Variants in USH2A observed in about 807,000 individuals in gnomAD.
USH2A encodes the protein usherin.
USH2A carries 443 observed loss-of-function variants against 538.9 expected under a neutral mutation model. The ratio of observed to expected loss-of-function variants is 0.82; its 90% CI spans 0.76 to 0.89. The LOEUF is 0.89. USH2A is among the 40% of genes least tolerant of loss of function. The probability of loss-of-function intolerance (pLI) is 0.00; values close to 1 mark genes in which losing one functional copy is unlikely to be tolerated. For missense variants in USH2A, 6,633 were observed against 6,324.8 expected, an observed-to-expected ratio of 1.05 and a Z score of -1.65; for synonymous variants, 2,413 against 2,273.5, an observed-to-expected ratio of 1.06 and a Z score of -1.75.
chr1:215,899,211 C>T (rs148003144), intron 40 of USH2A, among the ~76,000 whole-genome samples: 1 of 152,110 alleles, frequency 6.6e-6, no homozygotes, highest in African/African-American at 2.4e-5. Flanking sequence ...AATATCTAGG[C>T]TTTTGAAAGT....
intron 55 of USH2A, among the ~76,000 whole-genome samples, chr1:215,772,060 C>T (rs900506780): frequency 3.3e-5 from 5 of 152,116 alleles, no homozygotes; most frequent in East Asian, 1.9e-4. Context: ...TTCATATATA[C>T]GACTCTGTAA....
At chr1:216,384,341 C>T (rs1253818573) in intron 3 of USH2A, among the ~76,000 whole-genome samples, 1 of 151,772 alleles carries the variant, frequency 6.6e-6, no homozygotes, top group Non-Finnish European at 1.5e-5. Flanking sequence ...ATGTGGCTGG[C>T]TAATAAGCCT....
chr1:216,200,145 AAC>A, intron 16 of USH2A, 24 bp from the exon 17 acceptor site: 1 of 1,602,020 alleles, frequency 6.2e-7, no homozygotes. Flanking sequence ...AAAAAAAAAA[AAC>A]AAAGTTACAT....
At chr1:216,010,809 T>C (rs2102492083) in intron 32 of USH2A, among the ~76,000 whole-genome samples, 1 of 152,046 alleles carries the variant, frequency 6.6e-6, no homozygotes, top group African/African-American at 2.4e-5. Flanking sequence ...ATTCCTGGAC[T>C]ACAGCTACAT....
chr1:215,711,217 T>C (rs1659330085), intron 61 of USH2A, among the ~76,000 whole-genome samples: 1 of 152,194 alleles, frequency 6.6e-6, no homozygotes, highest in Admixed American at 6.5e-5. Context: ...AATCCCTTCT[T>C]AAGTTCTTTC....
chr1:215,707,694 T>A (rs1045378500), intron 61 of USH2A, among the ~76,000 whole-genome samples: 8 of 152,230 alleles, frequency 5.3e-5, no homozygotes, highest in Non-Finnish European at 1.2e-4. Context: ...TTATGTCTTT[T>A]TCTGGCATGG....
intron 32 of USH2A, among the ~76,000 whole-genome samples, chr1:216,024,748 C>T (rs1444130971): frequency 1.3e-5 from 2 of 151,812 alleles, no homozygotes; most frequent in Non-Finnish European, 2.9e-5. Flanking sequence ...TAGCAGATAG[C>T]GAGATGTGTA....
At chr1:216,385,055 A>G (rs1437123759) in intron 3 of USH2A, among the ~76,000 whole-genome samples, 2 of 152,222 alleles carry the variant, frequency 1.3e-5, no homozygotes, top group East Asian at 3.9e-4. Flanking sequence ...TGGGGTATCC[A>G]AGGTGTCAGC....
chr1:216,327,482 CA>C, intron 5 of USH2A, 108 bp downstream of exon 5: 1 of 1,340,884 alleles, frequency 7.5e-7, no homozygotes, highest in Non-Finnish European at 1.1e-6. Context: ...TGAAGTTTGC[CA>C]AATGGTATAA....
At chr1:215,766,568 T>C (rs1283046238) in intron 56 of USH2A, 113 bp downstream of exon 56, 2 of 990,312 alleles carry the variant, frequency 2.0e-6, no homozygotes, top group Non-Finnish European at 3.2e-6. Context: ...TTTTATTTTG[T>C]ACCTATCAAC....
chr1:215,801,279 A>T (rs1212402098), intron 49 of USH2A, among the ~76,000 whole-genome samples: 3 of 151,888 alleles, frequency 2.0e-5, no homozygotes, highest in Admixed American at 2.0e-4. Context: ...ATTGGATATT[A>T]TGGCTAGAGC....
At chr1:216,310,530 T>C (rs1355301624) in intron 9 of USH2A, among the ~76,000 whole-genome samples, 1 of 152,124 alleles carries the variant, frequency 6.6e-6, no homozygotes, top group Non-Finnish European at 1.5e-5. Context: ...CTTCATTTCT[T>C]TGTGTTCTTT....
At chr1:216,398,092 T>C (rs2039245342) in intron 3 of USH2A, among the ~76,000 whole-genome samples, 1 of 152,200 alleles carries the variant, frequency 6.6e-6, no homozygotes, top group Non-Finnish European at 1.5e-5. Flanking sequence ...TTTTAGCCAA[T>C]ATACTTTAAA....
chr1:215,966,050 T>A (rs1667339257), intron 36 of USH2A, among the ~76,000 whole-genome samples: 1 of 151,932 alleles, frequency 6.6e-6, no homozygotes, highest in Non-Finnish European at 1.5e-5. Context: ...AAAAATGGCA[T>A]CATGCTAACA....
At chr1:216,158,226 T>C (rs1038005115) in intron 21 of USH2A, among the ~76,000 whole-genome samples, 1 of 152,128 alleles carries the variant, frequency 6.6e-6, no homozygotes, top group Non-Finnish European at 1.5e-5. Flanking sequence ...AGAGCACATA[T>C]GTATGTATGT....
intron 35 of USH2A, among the ~76,000 whole-genome samples, chr1:215,991,314 A>G (rs540658617): frequency 8.5e-5 from 13 of 152,264 alleles, no homozygotes; most frequent in African/African-American, 3.1e-4. Flanking sequence ...AAAAATTTAG[A>G]CTTTATTCTT....
At chr1:215,717,092 A>G (rs1262117718) in intron 61 of USH2A, among the ~76,000 whole-genome samples, 1 of 152,162 alleles carries the variant, frequency 6.6e-6, no homozygotes, top group Non-Finnish European at 1.5e-5. Context: ...GACTTTGTCT[A>G]TGGAGGGGAA....
At chr1:216,159,329 T>C (rs2034008612) in intron 21 of USH2A, among the ~76,000 whole-genome samples, 1 of 152,088 alleles carries the variant, frequency 6.6e-6, no homozygotes. Context: ...CAAAAACAAT[T>C]TATTAGGATG....
chr1:215,673,988 G>T, intron 63 of USH2A, 112 bp downstream of exon 63: 1 of 1,573,266 alleles, frequency 6.4e-7, no homozygotes. Context: ...GATGGAGGTT[G>T]GGGACACCTT....
Sources: gnomAD v4.1 joint callset for allele counts (sites outside exome capture counted in the v4.1 genomes callset) on GRCh38, gnomAD v4.1.1 for gene constraint, MANE v1.5 for transcripts, NCBI Gene and HGNC (gene_info 2026-07-23, HGNC 2026-07-21) for gene names.